POC1B: variants seen among roughly 807,000 people sequenced by gnomAD.
POC1B encodes POC1 centriolar protein B.
In POC1B, 44 loss-of-function variants were observed where a neutral mutation model predicts 60.6. That is an observed-to-expected ratio of 0.73 (90% CI 0.57 to 0.93). The LOEUF (loss-of-function observed/expected upper bound fraction) is 0.93. Among genes scored for constraint, POC1B ranks in the 40% least tolerant of loss-of-function variants. The pLI, the probability that POC1B is intolerant of heterozygous loss-of-function variation, is 0.00. For synonymous variants in POC1B, 180 were observed against 198.9 expected (o/e 0.90, Z 0.80); for missense variants, 555 against 572.3 (o/e 0.97, Z 0.31).
chr12:89,403,622 T>G, the POC1B span, among the ~76,000 whole-genome samples: 1 of 152,166 alleles, frequency 6.6e-6, no homozygotes, highest in South Asian at 2.1e-4. Context: ...ATGTCCCATT[T>G]TGGCAGATGT....
downstream of POC1B, among the ~76,000 whole-genome samples, chr12:89,419,175 G>C (rs1361104454): frequency 1.3e-5 from 2 of 152,004 alleles, no homozygotes; most frequent in Non-Finnish European, 2.9e-5. Context: ...GTTAGAGGTA[G>C]AGGGCAGAAA....
At chr12:89,521,472 T>G (rs1361303727) in intron 2 of POC1B, 4 of 152,384 alleles carry the variant, frequency 2.6e-5, no homozygotes, top group Non-Finnish European at 5.9e-5. Context: ...ATTGCTCAAC[T>G]GCTCAACAAC....
intron 10 of POC1B, among the ~76,000 whole-genome samples, chr12:89,458,219 C>T (rs1341141963): frequency 2.0e-5 from 3 of 152,216 alleles, no homozygotes; most frequent in Non-Finnish European, 2.9e-5. Flanking sequence ...TGCTCCTTCT[C>T]GCTACAGGGG....
intron 2 of POC1B, chr12:89,523,919 G>C (rs899553016): frequency 1.8e-5 from 29 of 1,603,174 alleles, no homozygotes; most frequent in Non-Finnish European, 2.4e-5. Flanking sequence ...CCAATCAGAC[G>C]GGCCCTAACC....
intron 7 of POC1B, among the ~76,000 whole-genome samples, chr12:89,468,366 T>C (rs191146653): frequency 1.1e-4 from 16 of 152,320 alleles, no homozygotes; most frequent in African/African-American, 3.8e-4. Context: ...GGATAGCCTC[T>C]AGGTCAATTT....
chr12:89,497,098 G>A (rs1331326035), intron 3 of POC1B, 73 bp downstream of exon 3: 2 of 1,472,746 alleles, frequency 1.4e-6, no homozygotes, highest in Admixed American at 1.8e-5. Flanking sequence ...CAGTGCATGA[G>A]CAGCAGCCAG....
At chr12:89,496,998 A>C in intron 3 of POC1B, 173 bp downstream of exon 3, 1 of 678,464 alleles carries the variant, frequency 1.5e-6, no homozygotes, top group African/African-American at 1.8e-5. Context: ...AAGAAGACAT[A>C]ATTTTGAGGA....
At chr12:89,514,881 G>C (rs1255770742) in intron 2 of POC1B, among the ~76,000 whole-genome samples, 1 of 152,000 alleles carries the variant, frequency 6.6e-6, no homozygotes, top group Non-Finnish European at 1.5e-5. Flanking sequence ...CTCCCATAAT[G>C]CTATGGATAT....
chr12:89,425,479 T>A, intron 10 of POC1B, 100 bp from the exon 11 acceptor site: 1 of 839,592 alleles, frequency 1.2e-6, no homozygotes, highest in Middle Eastern at 3.7e-4. Flanking sequence ...AGCCCAGGCT[T>A]ACATTGAAGA....
At chr12:89,421,483 T>G (rs542338528) in intron 11 of POC1B, among the ~76,000 whole-genome samples, 1 of 152,190 alleles carries the variant, frequency 6.6e-6, no homozygotes, top group East Asian at 1.9e-4. Context: ...AAACCCAAAC[T>G]GATGTGTTTG....
intron 2 of POC1B, chr12:89,500,259 C>T: frequency 6.4e-7 from 1 of 1,554,250 alleles, no homozygotes; most frequent in Non-Finnish European, 8.8e-7. Context: ...ACAAATTCTA[C>T]AAAATCAGTG....
chr12:89,487,468 C>T (rs1243855541), intron 4 of POC1B, among the ~76,000 whole-genome samples: 1 of 152,214 alleles, frequency 6.6e-6, no homozygotes, highest in Non-Finnish European at 1.5e-5. Context: ...GAGAGGTAGT[C>T]TTATGGCATC....
chr12:89,507,002 G>T (rs1371841385), intron 2 of POC1B, among the ~76,000 whole-genome samples: 2 of 151,978 alleles, frequency 1.3e-5, no homozygotes, highest in Non-Finnish European at 2.9e-5. Flanking sequence ...AAATAGGAGG[G>T]AGTTAATACA....
At chr12:89,511,029 C>T (rs867894910) in intron 2 of POC1B, among the ~76,000 whole-genome samples, 2 of 151,944 alleles carry the variant, frequency 1.3e-5, no homozygotes, top group African/African-American at 4.8e-5. Context: ...TGCTGGGATA[C>T]AGGCGTGAGC....
chr12:89,449,134 T>C (rs757579012), intron 10 of POC1B, among the ~76,000 whole-genome samples: 15 of 152,238 alleles, frequency 9.9e-5, no homozygotes, highest in Non-Finnish European at 1.9e-4. Flanking sequence ...TCTAAACATC[T>C]GGAAGGCAGG....
At chr12:89,411,465 C>G in the POC1B span, among the ~76,000 whole-genome samples, 1 of 152,158 alleles carries the variant, frequency 6.6e-6, no homozygotes, top group Non-Finnish European at 1.5e-5. Flanking sequence ...GATGTGCTCT[C>G]TTGAATAAGT....
chr12:89,412,927 C>A, the POC1B span, among the ~76,000 whole-genome samples: 15 of 150,910 alleles, frequency 9.9e-5, no homozygotes, highest in Non-Finnish European at 2.2e-4. Context: ...TTGTCTCACT[C>A]ACTCTCGTCA....
At chr12:89,454,207 G>T (rs1290542531) in intron 10 of POC1B, among the ~76,000 whole-genome samples, 1 of 152,138 alleles carries the variant, frequency 6.6e-6, no homozygotes, top group Admixed American at 6.5e-5. Flanking sequence ...GCTATCCTGA[G>T]ATTACTCAAG....
chr12:89,498,797 T>G (rs764978186), intron 2 of POC1B, among the ~76,000 whole-genome samples: 5 of 152,110 alleles, frequency 3.3e-5, no homozygotes, highest in African/African-American at 1.2e-4. Flanking sequence ...AGGACACTAT[T>G]TGAGTTCTGT....
Sources: allele counts gnomAD v4.1 joint callset (sites outside exome capture counted in the v4.1 genomes callset), GRCh38; gene constraint gnomAD v4.1.1; transcripts MANE v1.5; gene names NCBI Gene and HGNC (gene_info 2026-07-23, HGNC 2026-07-21).